Variants in RAPGEF4 observed in about 807,000 individuals in gnomAD.
RAPGEF4 encodes the protein RAP guanine-nucleotide-exchange factor (GEF) 4.
A neutral mutation model predicts 147.9 loss-of-function variants in RAPGEF4; 66 were observed. That is an observed-to-expected ratio of 0.45 (90% CI 0.37 to 0.55). The LOEUF (loss-of-function observed/expected upper bound fraction) is 0.55, where lower values mean the gene tolerates loss of function less well. Ranked by LOEUF, RAPGEF4 falls within the 20% of genes least tolerant of loss-of-function variation. RAPGEF4 has a pLI of 0.00. For missense variants in RAPGEF4, 1,071 were observed against 1,257.3 expected (o/e 0.85, Z 2.24); for synonymous variants, 419 against 442.7 (o/e 0.95, Z 0.67).
chr2:172,902,947 G>A (rs1335808766), intron 4 of RAPGEF4, among the ~76,000 whole-genome samples: 1 of 152,152 alleles, frequency 6.6e-6, no homozygotes, highest in African/African-American at 2.4e-5. Flanking sequence ...TGACAAGGAT[G>A]TTTTCAGGTT....
intron 6 of RAPGEF4, among the ~76,000 whole-genome samples, chr2:172,930,237 C>A (rs1685773721): frequency 6.6e-6 from 1 of 152,188 alleles, no homozygotes; most frequent in Admixed American, 6.5e-5. Context: ...ACTCTTCTTT[C>A]TAAGGATCCC....
At chr2:172,866,927 A>G (rs1488685655) in intron 4 of RAPGEF4, among the ~76,000 whole-genome samples, 2 of 151,148 alleles carry the variant, frequency 1.3e-5, no homozygotes, top group Non-Finnish European at 2.9e-5. Context: ...AGAATGCGAA[A>G]GTCTTTTCTA....
chr2:172,806,857 C>T (rs1687544548), intron 3 of RAPGEF4, among the ~76,000 whole-genome samples: 1 of 151,980 alleles, frequency 6.6e-6, no homozygotes, highest in Non-Finnish European at 1.5e-5. Flanking sequence ...CTCTTTTTTC[C>T]TTCTACAGTA....
rs3769275 is a variant in RAPGEF4, at chr2:172,891,994, A to G, written c.445-25808A>G. 1.1e-4 allele frequency among the ~76,000 whole-genome samples: 17 copies of G among 152,196 alleles called. No homozygotes were observed. The East Asian group carries it at 2.9e-3, about 26-fold the overall frequency. On this transcript the variant is annotated intron_variant, in intron 4 of 30. Transcript: ENST00000397081. ...TCCTTTTCTCTTTACTGCTTCCTTCACCCATTTTTTATAAAATGACCATGA... is the reference window on the plus strand; with the variant it reads ...TCCTTTTCTCTTTACTGCTTCCTTCGCCCATTTTTTATAAAATGACCATGA...
At chr2:172,769,318 C>T (rs1697143007) in intron 1 of RAPGEF4, among the ~76,000 whole-genome samples, 3 of 152,048 alleles carry the variant, frequency 2.0e-5, no homozygotes, top group African/African-American at 7.2e-5. Context: ...ACACCCTCTT[C>T]ATAGGGGAGA....
At chr2:172,742,443 C>T (rs575673105) in intron 1 of RAPGEF4, among the ~76,000 whole-genome samples, 16 of 151,976 alleles carry the variant, frequency 1.1e-4, no homozygotes, top group African/African-American at 3.4e-4. Context: ...TTCCTTTGTC[C>T]CCTGTATTTC....
At chr2:172,998,028 G>T (rs1029802416) in intron 16 of RAPGEF4, among the ~76,000 whole-genome samples, 23 of 152,186 alleles carry the variant, frequency 1.5e-4, no homozygotes, top group African/African-American at 5.6e-4. Context: ...TGAGTATCTT[G>T]TTGGGCAGAC....
chr2:172,895,552 T>G (rs1698386532), intron 4 of RAPGEF4, among the ~76,000 whole-genome samples: 1 of 152,226 alleles, frequency 6.6e-6, no homozygotes, highest in Non-Finnish European at 1.5e-5. Flanking sequence ...CAAGATTTTC[T>G]TTGAATTTAG....
chr2:172,928,111 C>T (rs1317359171), intron 6 of RAPGEF4: 1 of 436,152 alleles, frequency 2.3e-6, no homozygotes, highest in Non-Finnish European at 4.6e-6. Context: ...AGCGTAACCC[C>T]CGAGCCAGGA....
At chr2:172,924,367 T>C (rs537205274) in intron 6 of RAPGEF4, among the ~76,000 whole-genome samples, 4 of 152,340 alleles carry the variant, frequency 2.6e-5, no homozygotes, top group African/African-American at 9.6e-5. Flanking sequence ...AATTTAAAGT[T>C]TGCAGAACAA....
chr2:173,044,696 G>A (rs1168676945), intron 29 of RAPGEF4, among the ~76,000 whole-genome samples: 1 of 152,138 alleles, frequency 6.6e-6, no homozygotes, highest in East Asian at 1.9e-4. Flanking sequence ...ATCAGTTTAA[G>A]CGTGGCGACA....
chr2:172,956,680 C>T (rs1262013687), intron 6 of RAPGEF4, among the ~76,000 whole-genome samples: 1 of 152,040 alleles, frequency 6.6e-6, no homozygotes, highest in Non-Finnish European at 1.5e-5. Context: ...CCGTGTTACC[C>T]AGGTTGGTCT....
intron 1 of RAPGEF4, among the ~76,000 whole-genome samples, chr2:172,778,839 G>C (rs1457588827): frequency 6.6e-6 from 1 of 152,008 alleles, no homozygotes; most frequent in East Asian, 1.9e-4. Flanking sequence ...AGGAAGTCCT[G>C]GTGTATAAAT....
intron 6 of RAPGEF4, among the ~76,000 whole-genome samples, chr2:172,922,615 CTAA>C (rs2150055378): frequency 6.6e-6 from 1 of 152,190 alleles, no homozygotes; most frequent in East Asian, 1.9e-4. Flanking sequence ...AATCATTAGC[CTAA>C]TAGCATATAG....
intron 19 of RAPGEF4, 70 bp from the exon 20 acceptor site, chr2:173,017,104 G>T (rs1695573048): frequency 7.1e-7 from 1 of 1,415,418 alleles, no homozygotes; most frequent in Admixed American, 1.7e-5. Context: ...CATAAGATTA[G>T]TTATATACAA....
rs556989458 is a variant in RAPGEF4 at position 172,842,815 on chromosome 2, A to T, written c.444+28390A>T. Among the ~76,000 whole-genome samples the T allele has an allele frequency of 3.9e-5, 6 of 152,300 alleles. No individual in the cohort carries two copies. In the South Asian group the frequency reaches 1.0e-3, roughly 26 times the overall value. ...AGGGAACATAGGCCTTGCTTTTAAC[A>T]TCTTCAAGTCACACTGTAGGATGAG... On this transcript the variant is annotated intron_variant, in intron 4 of 30. Transcript: ENST00000397081.
chr2:173,034,041 A>G (rs1683581719), intron 27 of RAPGEF4, 77 bp downstream of exon 27: 1 of 1,381,174 alleles, frequency 7.2e-7, no homozygotes, highest in African/African-American at 1.5e-5. Flanking sequence ...TGAAGTTCTC[A>G]TTTTGGAAAT....
intron 23 of RAPGEF4, among the ~76,000 whole-genome samples, chr2:173,024,741 C>T (rs1696497112): frequency 6.6e-6 from 1 of 152,238 alleles, no homozygotes; most frequent in Non-Finnish European, 1.5e-5. Flanking sequence ...TTCAGAGTCA[C>T]TTGCTCTCTA....
At chr2:172,836,755 G>A (rs1405299658) in intron 4 of RAPGEF4, among the ~76,000 whole-genome samples, 6 of 152,194 alleles carry the variant, frequency 3.9e-5, no homozygotes, top group Non-Finnish European at 8.8e-5. Flanking sequence ...GAAATAGCTC[G>A]TGGCTAGCAT....
Sources: gnomAD v4.1 joint callset for allele counts (sites outside exome capture counted in the v4.1 genomes callset) on GRCh38, gnomAD v4.1.1 for gene constraint, MANE v1.5 for transcripts, NCBI Gene and HGNC (gene_info 2026-07-23, HGNC 2026-07-21) for gene names.